ATP10B: variants seen among roughly 807,000 people sequenced by gnomAD.
The protein encoded by ATP10B is phospholipid-transporting ATPase VB.
In ATP10B, 122 loss-of-function variants were observed where a neutral mutation model predicts 141.2. The observed-to-expected ratio is 0.86, with a 90% CI of 0.75 to 1.00. ATP10B has a LOEUF of 1.00. Ranked by LOEUF, ATP10B falls within the 50% of genes least tolerant of loss-of-function variation. The pLI is 0.00. For missense variants in ATP10B, 1,876 were observed against 1,825.3 expected (o/e 1.03, Z -0.51); for synonymous variants, 685 against 692.0 (o/e 0.99, Z 0.16).
chr5:160,586,680 G>A (rs1285733160), intron 24 of ATP10B, among the ~76,000 whole-genome samples: 1 of 152,206 alleles, frequency 6.6e-6, no homozygotes, highest in African/African-American at 2.4e-5. Flanking sequence ...ACTGGCGTGA[G>A]ATGGTATCTC....
chr5:160,868,296 C>T, the ATP10B span, among the ~76,000 whole-genome samples: 3 of 152,058 alleles, frequency 2.0e-5, no homozygotes, highest in African/African-American at 7.2e-5. Flanking sequence ...TGGTTATTAT[C>T]TCAGAGAAAA....
the ATP10B span, among the ~76,000 whole-genome samples, chr5:160,927,344 G>A: frequency 6.0e-4 from 92 of 152,244 alleles, no homozygotes; most frequent in African/African-American, 2.0e-3. Flanking sequence ...TACCATACCT[G>A]GCATCTAGAA....
the ATP10B span, among the ~76,000 whole-genome samples, chr5:160,899,929 C>A: frequency 1.3e-5 from 2 of 152,254 alleles, no homozygotes; most frequent in South Asian, 4.1e-4. Flanking sequence ...AGAGGGCTCC[C>A]TTCCCTGGTG....
chr5:160,760,480 C>A (rs939488646), intron 2 of ATP10B, among the ~76,000 whole-genome samples: 2 of 152,274 alleles, frequency 1.3e-5, no homozygotes, highest in South Asian at 4.1e-4. Context: ...GGATTATATG[C>A]TACAGTAAAA....
chr5:160,867,974 A>C, the ATP10B span, among the ~76,000 whole-genome samples: 1 of 152,132 alleles, frequency 6.6e-6, no homozygotes, highest in Non-Finnish European at 1.5e-5. Flanking sequence ...TCCTGTGCCT[A>C]TCTAAATCAC....
chr5:160,735,423 G>A (rs1416469012), intron 2 of ATP10B, among the ~76,000 whole-genome samples: 2 of 151,902 alleles, frequency 1.3e-5, no homozygotes, highest in Admixed American at 6.6e-5. Context: ...AATGATAAAG[G>A]GGTCAATTTA....
chr5:160,694,599 G>A (rs1764259985), intron 3 of ATP10B, among the ~76,000 whole-genome samples: 1 of 152,124 alleles, frequency 6.6e-6, no homozygotes, highest in African/African-American at 2.4e-5. Context: ...CACGTTACCT[G>A]GCTCACATTT....
intron 1 of ATP10B, among the ~76,000 whole-genome samples, chr5:160,802,431 G>A (rs1248037989): frequency 5.3e-5 from 8 of 152,204 alleles, no homozygotes; most frequent in African/African-American, 1.9e-4. Context: ...ATTTGGCAAT[G>A]TCTAGAGGCA....
chr5:160,718,035 C>G (rs556310868), intron 2 of ATP10B, among the ~76,000 whole-genome samples: 1 of 152,320 alleles, frequency 6.6e-6, no homozygotes, highest in South Asian at 2.1e-4. Context: ...AGAAAGCAAG[C>G]AAGGGGCTAA....
chr5:160,644,961 C>CA (rs761212739), intron 8 of ATP10B, among the ~76,000 whole-genome samples: 74 of 151,920 alleles, frequency 4.9e-4, no homozygotes, highest in Middle Eastern at 3.4e-3. Context: ...ACTAAAAATA[C>CA]AAAAAATTAG....
At chr5:160,664,538 A>C (rs1244355632) in intron 7 of ATP10B, among the ~76,000 whole-genome samples, 1 of 152,200 alleles carries the variant, frequency 6.6e-6, no homozygotes, top group Non-Finnish European at 1.5e-5. Context: ...TATTACGTTG[A>C]TTATTGATGC....
At chr5:160,921,416 A>C in the ATP10B span, among the ~76,000 whole-genome samples, 1 of 152,156 alleles carries the variant, frequency 6.6e-6, no homozygotes, top group African/African-American at 2.4e-5. Context: ...TGTGGCATTA[A>C]ACACATTCAC....
chr5:160,903,508 G>A, the ATP10B span, among the ~76,000 whole-genome samples: 2 of 152,236 alleles, frequency 1.3e-5, no homozygotes, highest in South Asian at 4.2e-4. Flanking sequence ...TCTGTAAATG[G>A]AAAACTTGCA....
intron 1 of ATP10B, among the ~76,000 whole-genome samples, chr5:160,804,823 A>C (rs900515598): frequency 6.6e-6 from 1 of 152,188 alleles, no homozygotes; most frequent in African/African-American, 2.4e-5. Flanking sequence ...GCACCTCATG[A>C]TGTTATTGTG....
chr5:160,678,283 T>G (rs1763160810), intron 6 of ATP10B, among the ~76,000 whole-genome samples: 1 of 152,148 alleles, frequency 6.6e-6, no homozygotes, highest in Non-Finnish European at 1.5e-5. Context: ...CCCTTGTATG[T>G]GTAGGACACA....
chr5:160,574,784 G>C (rs936971834), intron 24 of ATP10B, among the ~76,000 whole-genome samples: 2 of 147,178 alleles, frequency 1.4e-5, no homozygotes, highest in Non-Finnish European at 3.0e-5. Context: ...TTTGCCTTGT[G>C]AGGACACAGC....
At chr5:160,808,687 C>T (rs1196411004) in intron 1 of ATP10B, among the ~76,000 whole-genome samples, 1 of 152,148 alleles carries the variant, frequency 6.6e-6, no homozygotes, top group Non-Finnish European at 1.5e-5. Flanking sequence ...TAGCCATTTA[C>T]AGGAAGATTT....
intron 3 of ATP10B, among the ~76,000 whole-genome samples, chr5:160,716,515 C>A (rs148428040): frequency 6.6e-6 from 1 of 152,270 alleles, no homozygotes; most frequent in Non-Finnish European, 1.5e-5. Context: ...GGTGCTTTAA[C>A]ACTATGCTTG....
In ATP10B at chr5:160,789,914, A is replaced by G. The variant is rs1178846728; in HGVS notation, c.-575-4111T>C. 2.6e-5 allele frequency among the ~76,000 whole-genome samples: 4 copies of G among 152,224 alleles called. No individual in the cohort carries two copies. The East Asian group carries it at 5.8e-4, about 22-fold the overall frequency. On this transcript the variant is annotated intron_variant, in intron 1 of 25. Transcript: ENST00000327245. ...CAATCAACAATGTATTCATTCATTC[A>G]TGCAAATACTGTATATGTTTGCTGA...
Sources: gnomAD v4.1 joint callset for allele counts (sites outside exome capture counted in the v4.1 genomes callset) on GRCh38, gnomAD v4.1.1 for gene constraint, MANE v1.5 for transcripts, NCBI Gene and HGNC (gene_info 2026-07-23, HGNC 2026-07-21) for gene names.